The following ADAMTS1 variants were observed in gnomAD, a reference collection of about 807,000 sequenced individuals.
ADAMTS1 encodes A disintegrin and metalloproteinase with thrombospondin motifs 1.
In ADAMTS1, 19 loss-of-function variants were observed where a neutral mutation model predicts 87.9. The ratio of observed to expected loss-of-function variants is 0.22; its 90% CI spans 0.15 to 0.32. ADAMTS1 has a LOEUF of 0.32. Ranked by LOEUF, ADAMTS1 falls within the 10% of genes least tolerant of loss-of-function variation. The probability of loss-of-function intolerance (pLI) is 1.00; values close to 1 mark genes in which losing one functional copy is unlikely to be tolerated. For missense variants in ADAMTS1, 1,240 were observed against 1,259.1 expected (o/e 0.98, Z 0.23); for synonymous variants, 542 against 501.8 (o/e 1.08, Z -1.07).
chr21:26,837,317 A>G lies in ADAMTS1; in HGVS notation c.*262T>C. The G allele has an allele frequency of 2.6e-6, 1 of 378,190 alleles. No individual in the cohort carries two copies. Among genetic ancestry groups the G allele is most frequent in the Non-Finnish European group, 4.8e-6 (1 of 210,274 alleles). 23.4% of individuals were successfully genotyped at this position (378,190 alleles called of 1,614,324 possible). On this transcript the variant is annotated 3_prime_UTR_variant, in exon 9 of 9. Transcript: ENST00000284984. ...TGTAATAGATGTAACAAAAGAAATA[A>G]TAATAATAATGCCCGGGGCTTTATT...
At position 26,845,393 on chromosome 21, in the gene ADAMTS1, C is replaced by T. The variant is rs908330701; in HGVS notation, c.-439G>A. On this transcript the variant is annotated 5_prime_UTR_variant, in exon 1 of 9. Transcript: ENST00000284984. ...TTTGCAATAGCCCCTGGCTCGGAGCCGCTTTCCAGCGAGTGCAAGAACCGG... is the reference window on the plus strand; with the variant it reads ...TTTGCAATAGCCCCTGGCTCGGAGCTGCTTTCCAGCGAGTGCAAGAACCGG... The T allele has an allele frequency of 1.9e-5, 3 of 161,714 alleles. No homozygotes were observed. The highest frequency in any genetic ancestry group is 4.0e-5 in the Non-Finnish European group (3 of 74,920). The allele number at this position is 161,714 out of a possible 1,614,324, so 10.0% of individuals were successfully genotyped here.
In ADAMTS1 at chr21:26,844,346, G is replaced by A. The variant is rs753816795; in HGVS notation, c.609C>T (p.Asp203=). The A allele has an allele frequency of 2.1e-5, 34 of 1,603,762 alleles. No homozygotes were observed. Among genetic ancestry groups the A allele is most frequent in the Non-Finnish European group, 2.5e-5 (30 of 1,177,396 alleles). The change falls in exon 1 of 9, where the codon GAC becomes GAT. Residue 203 remains aspartate, a synonymous_variant. Coordinates refer to ENST00000284984, the MANE Select transcript of ADAMTS1 (RefSeq NM_006988.5). ...CCGCTTTCCCAGTCGGCCGGGGCTC[G>A]TCGTCCACGACCCCGCACGTGCCGC... ...DVGGTCGVVD[D]EPRPTGKAET...
At chr21:26,841,807 C>T in intron 3 of ADAMTS1, 51 bp downstream of exon 3, 1 of 1,574,878 alleles carries the variant, frequency 6.3e-7, no homozygotes, top group South Asian at 1.2e-5. Context: ...TATTGTTTTA[C>T]CAGTTTACAT....
chr21:26,844,339 G>C lies in ADAMTS1; in HGVS notation c.616C>G (p.Arg206Gly), dbSNP rs775149447. 1.9e-6 allele frequency: 3 copies of C among 1,605,058 alleles called. No homozygotes were observed. Among genetic ancestry groups the C allele is most frequent in the South Asian group, 1.1e-5 (1 of 89,972 alleles). ...TCGGTCTCCGCTTTCCCAGTCGGCC[G>C]GGGCTCGTCGTCCACGACCCCGCAC... ...GTCGVVDDEPRPTGKAETEDE... is the reference protein window; with the variant it reads ...GTCGVVDDEPGPTGKAETEDE... The change falls in exon 1 of 9, where the codon CGG becomes GGG. Residue 206 changes from arginine (R) to glycine (G), a missense_variant. Physicochemically the swap from Arg to Gly is moderately radical, Grantham distance 125. This residue lies in a region of ADAMTS1 where 521 missense variants were observed against 449.7 expected (regional missense o/e 1.16). Coordinates refer to ENST00000284984, the MANE Select transcript of ADAMTS1 (RefSeq NM_006988.5).
rs752663789 is a variant in ADAMTS1 at position 26,844,283 on chromosome 21, G to C, written c.672C>G (p.Asp224Glu). ...CCTGCGGCGACCACTGAGCCCCTTCGTCCTCGCCCTCAGTCCCTTCGTCCT... is the reference window on the plus strand; with the variant it reads ...CCTGCGGCGACCACTGAGCCCCTTCCTCCTCGCCCTCAGTCCCTTCGTCCT... ...EDEDEGTEGEDEGAQWSPQDP... is the reference protein window; with the variant it reads ...EDEDEGTEGEEEGAQWSPQDP... The change falls in exon 1 of 9, where the codon GAC becomes GAG. Residue 224 changes from aspartate (D) to glutamate (E), a missense_variant. Around this residue, in one of 3 missense-constraint regions of ADAMTS1, gnomAD observed 521 missense variants for 449.7 expected, o/e 1.16. Transcript: ENST00000284984. 6.2e-7 allele frequency: 1 copy of C among 1,605,296 alleles called. No individual in the cohort carries two copies. Among genetic ancestry groups the C allele is most frequent in the South Asian group, 1.1e-5 (1 of 89,484 alleles).
At chr21:26,844,182 AGAG>A (rs774494138) in intron 1 of ADAMTS1, 40 bp downstream of exon 1, 42 of 1,513,782 alleles carry the variant, frequency 2.8e-5, no homozygotes, top group Non-Finnish European at 3.6e-5. Context: ...TAAAGTGAGG[AGAG>A]GAGGATGAAT....
chr21:26,844,829 C>A lies in ADAMTS1; in HGVS notation c.126G>T (p.Ala42=). 11 of 1,552,012 alleles carry A rather than the reference C, an allele frequency of 7.1e-6. No individual in the cohort carries two copies. The highest frequency in any genetic ancestry group is 9.6e-6 in the Non-Finnish European group (11 of 1,148,838). Residue 42 remains alanine, a synonymous_variant, in exon 1 of 9, where the codon GCG becomes GCT. Transcript: ENST00000284984. ...PVPTLLLLAA[A]LLAVSDALGR... ...CGAGTGCGTCCGACACGGCCAGTAG[C>A]GCCGCGGCGAGCAGCAGCAGCGTGG... is the stretch of plus-strand genomic sequence containing the variant.
At chr21:26,841,308 G>A (rs1385778276) in intron 3 of ADAMTS1, 143 bp from the exon 4 acceptor site, 27 of 783,856 alleles carry the variant, frequency 3.4e-5, no homozygotes, top group South Asian at 3.9e-5. Flanking sequence ...GTGAAACCCC[G>A]TCTCTACTAA....
Position 26,836,934 on chromosome 21 carries a change from C to T in ADAMTS1, c.*645G>A, listed in dbSNP as rs1418534460. 1 of 151,926 alleles carries T rather than the reference C, an allele frequency of 6.6e-6. No homozygotes were observed. The highest frequency in any genetic ancestry group is 2.4e-5 in the African/African-American group (1 of 41,344). The allele number at this position is 151,926 out of a possible 1,614,324, so 9.4% of individuals were successfully genotyped here. A position where few individuals can be genotyped will look rare whatever the true frequency, so the allele number is the denominator to read the frequency against. ...GTTGTTTTTTCCTCAAAATGAATTA[C>T]ACAAATAAAGACTGAGATGGTCCAA... On this transcript the variant is annotated 3_prime_UTR_variant, in exon 9 of 9. Coordinates refer to ENST00000284984, the MANE Select transcript of ADAMTS1 (RefSeq NM_006988.5).
chr21:26,839,823 G>A (rs1985452609), intron 6 of ADAMTS1, 52 bp downstream of exon 6: 1 of 1,605,066 alleles, frequency 6.2e-7, no homozygotes, highest in Non-Finnish European at 8.5e-7. Flanking sequence ...CTGTTTGTGG[G>A]TACATCTTTT....
Position 26,845,285 on chromosome 21 carries a change from C to T in ADAMTS1, c.-331G>A, listed in dbSNP as rs773559746. 1.1e-5 allele frequency: 3 copies of T among 270,978 alleles called. No individual in the cohort carries two copies. Among genetic ancestry groups the T allele is most frequent in the Non-Finnish European group, 2.1e-5 (3 of 145,176 alleles). 16.8% of individuals were successfully genotyped at this position (270,978 alleles called of 1,614,324 possible). ...GCAACGCGGAGATTGGTGCCTGGCG[C>T]CCCTCTTCGGCCTCCGCCTTGGCTG... On this transcript the variant is annotated 5_prime_UTR_variant, in exon 1 of 9. Coordinates refer to ENST00000284984, the MANE Select transcript of ADAMTS1 (RefSeq NM_006988.5).
rs200809949 is a variant in ADAMTS1, at chr21:26,844,600, C to G, written c.355G>C (p.Asp119His). Residue 119 changes from aspartate (D) to histidine (H), a missense_variant, in exon 1 of 9, where the codon GAC becomes CAC. Physicochemically the swap from Asp to His is moderately conservative, Grantham distance 81 (BLOSUM62 -1). Coordinates refer to ENST00000284984, the MANE Select transcript of ADAMTS1 (RefSeq NM_006988.5). ...SGSETPLPET[D>H]LAHCFYSGTV... ...CCGGAGTAGAAGCAGTGCGCCAGGT[C>G]GGTTTCCGGAAGCGGCGTCTCGGAC... The G allele has an allele frequency of 9.9e-6, 16 of 1,610,680 alleles. No homozygotes were observed. The East Asian group carries it at 3.1e-4, about 31-fold the overall frequency.
intron 3 of ADAMTS1, chr21:26,841,383 G>T: frequency 2.1e-6 from 1 of 484,780 alleles, no homozygotes; most frequent in African/African-American, 2.0e-5. Context: ...GCATGCTGAG[G>T]CAGCAGAATC....
rs1206960910 is a variant in ADAMTS1, at chr21:26,844,636, G to T, written c.319C>A (p.Arg107Ser). The change falls in exon 1 of 9, where the codon CGC becomes AGC. Residue 107 changes from arginine to serine, a missense_variant. By Grantham distance (110) the Arg-to-Ser change is moderately radical. Coordinates refer to ENST00000284984, the MANE Select transcript of ADAMTS1 (RefSeq NM_006988.5). ...APGFTLQNVG[R>S]KSGSETPLPE... ...AGCGGCGTCTCGGACCCGGATTTGC[G>T]CCCCACGTTCTGGAGCGTGAAGCCG... is the stretch of plus-strand genomic sequence containing the variant. The T allele has an allele frequency of 3.1e-6, 5 of 1,606,336 alleles. No individual in the cohort carries two copies. The highest frequency in any genetic ancestry group is 1.3e-5 in the African/African-American group (1 of 74,974).
chr21:26,844,591 G>A lies in ADAMTS1; in HGVS notation c.364C>T (p.His122Tyr). ...TTCACGGTGCCGGAGTAGAAGCAGT[G>A]CGCCAGGTCGGTTTCCGGAAGCGGC... The part of the protein sequence containing the change: ...ETPLPETDLA[H>Y]CFYSGTVNGD... The change falls in exon 1 of 9, where the codon CAC becomes TAC. Residue 122 changes from histidine to tyrosine, a missense_variant. Physicochemically the swap from His to Tyr is moderately conservative, Grantham distance 83 (BLOSUM62 2). This residue lies in a region of ADAMTS1 where 521 missense variants were observed against 449.7 expected (regional missense o/e 1.16). Transcript: ENST00000284984. The A allele has an allele frequency of 6.2e-7, 1 of 1,611,204 alleles. No individual in the cohort carries two copies. The highest frequency in any genetic ancestry group is 8.5e-7 in the Non-Finnish European group (1 of 1,178,962).
chr21:26,841,245 G>A (rs1269673299), intron 3 of ADAMTS1, 80 bp from the exon 4 acceptor site: 79 of 1,469,644 alleles, frequency 5.4e-5, no homozygotes, highest in South Asian at 4.9e-5. Context: ...TCCAGAAGCC[G>A]AGGCGGGTGG....
In ADAMTS1 at chr21:26,839,876, A is replaced by C; in HGVS notation, c.1851T>G (p.Asn617Lys). 6.2e-7 allele frequency: 1 copy of C among 1,613,472 alleles called. No homozygotes were observed. The highest frequency in any genetic ancestry group is 8.5e-7 in the Non-Finnish European group (1 of 1,179,816). The stretch of plus-strand genomic sequence containing the variant: ...AAACCAGAGTCCGTTGCTCCTCACC[A>C]TTATTGTCTGGACAGTCCTCAAGGT... ...SCNLEDCPDNNGKTFREEQCE... is the reference protein window; with the variant it reads ...SCNLEDCPDNKGKTFREEQCE... The change falls in exon 6 of 9, where the codon AAT (asparagine) becomes AAG (lysine). Residue 617 changes from asparagine (N) to lysine (K), a missense_variant and splice_region_variant. Asn to Lys is a moderately conservative substitution (Grantham distance 94, BLOSUM62 0). Coordinates refer to ENST00000284984, the MANE Select transcript of ADAMTS1 (RefSeq NM_006988.5).
rs1042171260 is a variant in ADAMTS1, at chr21:26,836,983, C to T, written c.*596G>A. ...AAAAAAGGAAAGAGGAAGCCATTTG[C>T]GTTATTTCACGTTGCTGAGCCTTTC... is the stretch of plus-strand genomic sequence containing the variant. On this transcript the variant is annotated 3_prime_UTR_variant, in exon 9 of 9. Transcript: ENST00000284984. The T allele has an allele frequency of 6.6e-6, 1 of 152,166 alleles. No individual in the cohort carries two copies. Among genetic ancestry groups the T allele is most frequent in the Non-Finnish European group, 1.5e-5 (1 of 68,110 alleles). The allele number at this position is 152,166 out of a possible 1,614,324, so 9.4% of individuals were successfully genotyped here.
rs143016374 is a variant in ADAMTS1 at position 26,837,611 on chromosome 21, T to C, written c.2872A>G (p.Ile958Val). 3.7e-6 allele frequency: 6 copies of C among 1,614,162 alleles called. No homozygotes were observed. Among genetic ancestry groups the C allele is most frequent in the African/African-American group, 1.3e-5 (1 of 75,046 alleles). The change falls in exon 9 of 9, where the codon ATA (isoleucine) becomes GTA (valine). Residue 958 changes from isoleucine to valine, a missense_variant. Physicochemically the swap from Ile to Val is conservative, Grantham distance 29. Transcript: ENST00000284984. ...CATTCTGCCATTGTGCAAAAGTCTA[T>C]GAAATGTTTAGGTTTCTTTAAAGGA... Reference protein sequence around the residue: ...CDPLKKPKHFIDFCTMAECS With the variant: ...CDPLKKPKHFVDFCTMAECS
Sources: gnomAD v4.1 joint callset for allele counts on GRCh38, gnomAD v4.1.1 for gene constraint, gnomAD v4.1.1 regional missense constraint, MANE v1.5 for transcripts, NCBI Gene and HGNC (gene_info 2026-07-23, HGNC 2026-07-21) for gene names.